Variants in LEKR1 observed in about 807,000 individuals in gnomAD.
LEKR1 encodes protein LEKR1.
LEKR1 carries 59 observed loss-of-function variants against 72.4 expected under a neutral mutation model. The observed-to-expected ratio is 0.82, with a 90% CI of 0.66 to 1.01. The LOEUF (loss-of-function observed/expected upper bound fraction) is 1.01. LEKR1 is among the 50% of genes least tolerant of loss of function. The probability of loss-of-function intolerance (pLI) is 0.00; values close to 1 mark genes in which losing one functional copy is unlikely to be tolerated. For synonymous variants in LEKR1, 257 were observed against 263.2 expected, an observed-to-expected ratio of 0.98 and a Z score of 0.23; for missense variants, 728 against 759.2, an observed-to-expected ratio of 0.96 and a Z score of 0.48.
intron 5 of LEKR1, among the ~76,000 whole-genome samples, chr3:156,928,918 TA>T (rs1388829404): frequency 6.6e-6 from 1 of 151,998 alleles, no homozygotes; most frequent in East Asian, 1.9e-4. Flanking sequence ...CTCTATAACA[TA>T]ACACCCACAA....
chr3:156,929,697 T>C (rs1027666554), intron 5 of LEKR1, among the ~76,000 whole-genome samples: 1 of 152,110 alleles, frequency 6.6e-6, no homozygotes, highest in African/African-American at 2.4e-5. Context: ...AGAAAACTTA[T>C]GTTAAAGGGA....
chr3:156,971,923 G>T (rs956063940), intron 6 of LEKR1, among the ~76,000 whole-genome samples: 2 of 152,200 alleles, frequency 1.3e-5, no homozygotes, highest in South Asian at 2.1e-4. Flanking sequence ...CATTGTGGAA[G>T]TCAGTGTGGC....
intron 5 of LEKR1, among the ~76,000 whole-genome samples, chr3:156,932,309 G>A (rs1725295396): frequency 6.6e-6 from 1 of 152,126 alleles, no homozygotes; most frequent in Non-Finnish European, 1.5e-5. Flanking sequence ...ATTTTGTTAT[G>A]TAATATGTGC....
At chr3:156,923,695 G>A (rs990254601) in intron 4 of LEKR1, among the ~76,000 whole-genome samples, 2 of 151,866 alleles carry the variant, frequency 1.3e-5, no homozygotes, top group Non-Finnish European at 2.9e-5. Flanking sequence ...ATACCTAAGT[G>A]TGGAATCACT....
At chr3:156,885,779 T>G (rs1719995469) in intron 3 of LEKR1, among the ~76,000 whole-genome samples, 1 of 152,240 alleles carries the variant, frequency 6.6e-6, no homozygotes, top group South Asian at 2.1e-4. Flanking sequence ...ATGGATACAC[T>G]CAGGACCTCT....
chr3:156,840,431 T>TG (rs1313241786), intron 2 of LEKR1, among the ~76,000 whole-genome samples: 3 of 152,252 alleles, frequency 2.0e-5, no homozygotes, highest in Non-Finnish European at 4.4e-5. Flanking sequence ...CCATACATTG[T>TG]TAATAGTATA....
chr3:157,039,230 G>A (rs193300888), intron 12 of LEKR1, among the ~76,000 whole-genome samples: 1 of 152,202 alleles, frequency 6.6e-6, no homozygotes, highest in East Asian at 1.9e-4. Flanking sequence ...TAAAAACATT[G>A]GCATCATGGG....
intron 4 of LEKR1, 24 bp from the exon 5 acceptor site, chr3:156,927,405 C>CTTT: frequency 1.1e-6 from 1 of 877,134 alleles, no homozygotes; most frequent in Non-Finnish European, 1.4e-6. Flanking sequence ...TTTTAAAATC[C>CTTT]TATTTTTTTT....
intron 8 of LEKR1, 71 bp from the exon 9 acceptor site, chr3:156,993,003 A>C: frequency 1.3e-6 from 1 of 776,120 alleles, no homozygotes; most frequent in Non-Finnish European, 2.0e-6. Context: ...TGAGCTCTTG[A>C]TACATCTTTG....
intron 12 of LEKR1, among the ~76,000 whole-genome samples, chr3:157,038,048 TAGAA>T (rs556920684): frequency 3.7e-4 from 57 of 152,298 alleles, no homozygotes; most frequent in Middle Eastern, 6.8e-3. Context: ...CTAGGTGTGA[TAGAA>T]AGCCACCTAG....
chr3:156,995,435 G>T (rs927990033), intron 9 of LEKR1, among the ~76,000 whole-genome samples: 2 of 151,310 alleles, frequency 1.3e-5, no homozygotes, highest in Non-Finnish European at 2.9e-5. Flanking sequence ...TTGTATTATT[G>T]CCCTTGTACT....
chr3:157,017,948 CAAAAAAAA>C (rs58950224), intron 10 of LEKR1, among the ~76,000 whole-genome samples: 1 of 82,990 alleles, frequency 1.2e-5, no homozygotes, highest in Non-Finnish European at 2.3e-5. Flanking sequence ...GACTCTGTCT[CAAAAAAAA>C]AAAAAAAAAA....
intron 3 of LEKR1, among the ~76,000 whole-genome samples, chr3:156,917,292 C>T (rs1723746661): frequency 6.6e-6 from 1 of 151,960 alleles, no homozygotes; most frequent in Non-Finnish European, 1.5e-5. Flanking sequence ...GAAAGATGTT[C>T]CAGACAGAAA....
chr3:156,877,969 G>A (rs988198136), intron 3 of LEKR1, among the ~76,000 whole-genome samples: 5 of 152,066 alleles, frequency 3.3e-5, no homozygotes, highest in African/African-American at 1.2e-4. Flanking sequence ...TTTTGGTAGA[G>A]ATGGGGTTTC....
chr3:156,866,579 T>A (rs1717333946), intron 3 of LEKR1, among the ~76,000 whole-genome samples: 1 of 152,098 alleles, frequency 6.6e-6, no homozygotes, highest in Admixed American at 6.6e-5. Context: ...ATATCGTTAA[T>A]ATACTATAGT....
intron 3 of LEKR1, among the ~76,000 whole-genome samples, chr3:156,882,679 G>A (rs1362731374): frequency 6.6e-6 from 1 of 152,116 alleles, no homozygotes; most frequent in Non-Finnish European, 1.5e-5. Flanking sequence ...TATAAATCAT[G>A]CTGTTATAAA....
At chr3:156,993,513 C>T (rs928357504) in intron 9 of LEKR1, among the ~76,000 whole-genome samples, 2 of 151,584 alleles carry the variant, frequency 1.3e-5, no homozygotes, top group African/African-American at 4.9e-5. Context: ...GGAATGAAGC[C>T]CAAGTTGCAT....
chr3:157,006,058 T>G (rs1428391486), intron 9 of LEKR1, among the ~76,000 whole-genome samples: 19 of 151,470 alleles, frequency 1.3e-4, no homozygotes, highest in African/African-American at 4.1e-4. Context: ...GACTGCGGAC[T>G]GCAGTGGCGC....
At chr3:156,960,475 G>A (rs1030355952) in intron 6 of LEKR1, among the ~76,000 whole-genome samples, 9 of 151,968 alleles carry the variant, frequency 5.9e-5, no homozygotes, top group African/African-American at 1.4e-4. Context: ...TAGTAGAGAC[G>A]GGGTTTCACC....
Sources: gnomAD v4.1 joint callset for allele counts (sites outside exome capture counted in the v4.1 genomes callset) on GRCh38, gnomAD v4.1.1 for gene constraint, MANE v1.5 for transcripts, NCBI Gene and HGNC (gene_info 2026-07-23, HGNC 2026-07-21) for gene names.